PAPPA: variants seen among roughly 807,000 people sequenced by gnomAD.
The protein encoded by PAPPA is pappalysin 1, also known as pappalysin-1.
PAPPA carries 60 observed loss-of-function variants against 164.0 expected under a neutral mutation model. That is an observed-to-expected ratio of 0.37 (90% CI 0.30 to 0.45). PAPPA has a LOEUF of 0.45. PAPPA is among the 20% of genes least tolerant of loss of function. The probability of loss-of-function intolerance (pLI) is 1.00; values close to 1 mark genes in which losing one functional copy is unlikely to be tolerated. For missense variants in PAPPA, 1,782 were observed against 2,087.3 expected (o/e 0.85, Z 2.85); for synonymous variants, 875 against 814.1 (o/e 1.07, Z -1.27).
chr9:116,340,307 T>C (rs1403341209), intron 13 of PAPPA, among the ~76,000 whole-genome samples: 1 of 152,204 alleles, frequency 6.6e-6, no homozygotes, highest in Non-Finnish European at 1.5e-5. Flanking sequence ...TCAGTTAGGG[T>C]AATGTTTATC....
At position 116,347,830 on chromosome 9, in the gene PAPPA, C is replaced by T. The variant is rs1846231755; in HGVS notation, c.3964+621C>T. 6.6e-6 allele frequency among the ~76,000 whole-genome samples: 1 copy of T among 152,094 alleles called. No individual in the cohort carries two copies. The highest frequency in any genetic ancestry group is 2.4e-5 in the African/African-American group (1 of 41,430). ...TTGAGGGGAAAAAGACACTGGCATA[C>T]CAGAGAAGAGGTCACATTTTAGAAA... On this transcript the variant is annotated intron_variant, in intron 15 of 21. Transcript: ENST00000328252. This position sits in a 1 kb window ranked among gnomAD's most constrained non-coding sequence, Gnocchi z 4.5.
chr9:116,372,669 G>T (rs6478234), intron 19 of PAPPA, among the ~76,000 whole-genome samples: 151,450 of 152,180 alleles, frequency 1, 75,364 homozygotes, highest in Middle Eastern at 1. Flanking sequence ...ACCTTATAAT[G>T]CCTTTAGGTG....
intron 2 of PAPPA, 89 bp from the exon 3 acceptor site, chr9:116,207,367 T>G: frequency 9.5e-7 from 1 of 1,048,006 alleles, no homozygotes; most frequent in Non-Finnish European, 1.4e-6. Flanking sequence ...GCAAAATGCC[T>G]GGCACTCATA....
intron 1 of PAPPA, among the ~76,000 whole-genome samples, chr9:116,167,493 CTGTT>C (rs1463383005): frequency 2.0e-5 from 3 of 152,146 alleles, no homozygotes; most frequent in Admixed American, 2.0e-4. Flanking sequence ...CAAAGATACT[CTGTT>C]TGCCAAAAAT....
intron 10 of PAPPA, 63 bp downstream of exon 10, chr9:116,303,013 A>G: frequency 2.1e-6 from 3 of 1,422,560 alleles, no homozygotes; most frequent in Non-Finnish European, 2.9e-6. Context: ...ATGCCCCACA[A>G]GGCTACTCAC....
intron 10 of PAPPA, among the ~76,000 whole-genome samples, chr9:116,305,176 C>CACACACACACACAT (rs1554750322): frequency 1.3e-5 from 2 of 149,260 alleles, no homozygotes; most frequent in Non-Finnish European, 3.0e-5. Context: ...CACACACACA[C>CACACACACACACAT]GGAGTCTGCA....
At chr9:116,213,692 T>C (rs970120747) in intron 4 of PAPPA, among the ~76,000 whole-genome samples, 1 of 152,054 alleles carries the variant, frequency 6.6e-6, no homozygotes, top group African/African-American at 2.4e-5. Context: ...TTTGTACAGA[T>C]CTAAAGGGTG....
chr9:116,282,904 C>G (rs1845284724), intron 9 of PAPPA, among the ~76,000 whole-genome samples: 1 of 152,176 alleles, frequency 6.6e-6, no homozygotes, highest in African/African-American at 2.4e-5. Flanking sequence ...AAACTAAAAA[C>G]CACTGACTTT....
intron 9 of PAPPA, chr9:116,288,957 T>G (rs1845379663): frequency 6.6e-6 from 1 of 151,792 alleles, no homozygotes; most frequent in African/African-American, 2.4e-5. Context: ...TTGGGGTAAC[T>G]GGCTTGGTTT....
At chr9:116,159,384 T>G (rs1159923114) in intron 1 of PAPPA, among the ~76,000 whole-genome samples, 2 of 152,226 alleles carry the variant, frequency 1.3e-5, no homozygotes, top group Non-Finnish European at 2.9e-5. Context: ...GGGGCCTGTT[T>G]GTAAGGCTTC....
rs150654483 is a variant in PAPPA, at chr9:116,232,457, AT to A, written c.2234-2678del. On this transcript the variant is annotated intron_variant, in intron 6 of 21. Coordinates refer to ENST00000328252, the MANE Select transcript of PAPPA (RefSeq NM_002581.5). ...CACAATGAGAAACCCTATAACTGATATTTTAACCCAACTTTCATTCCTTCAA... is the reference window on the plus strand; with the variant it reads ...CACAATGAGAAACCCTATAACTGATATTTAACCCAACTTTCATTCCTTCAA... Among the ~76,000 whole-genome samples the A allele has an allele frequency of 3.8e-3, 586 of 152,312 alleles. 5 individuals carry two copies. The highest frequency in any genetic ancestry group is 0.013 in the African/African-American group (520 of 41,570).
intron 9 of PAPPA, among the ~76,000 whole-genome samples, chr9:116,292,777 T>G (rs772391274): frequency 6.6e-6 from 1 of 152,116 alleles, no homozygotes; most frequent in Non-Finnish European, 1.5e-5. Flanking sequence ...AATTTTTATT[T>G]AGAAACTGAG....
chr9:116,169,340 G>A (rs1843749793), intron 1 of PAPPA, among the ~76,000 whole-genome samples: 1 of 21,640 alleles, frequency 4.6e-5, no homozygotes. Context: ...TTTTTTTTGA[G>A]ATGGAGTCTC....
rs976926914 is a variant in PAPPA at position 116,374,158 on chromosome 9, TTGG to T, written c.4606-3409_4606-3407del. On this transcript the variant is annotated intron_variant, in intron 19 of 21. Coordinates refer to ENST00000328252, the MANE Select transcript of PAPPA (RefSeq NM_002581.5). ...GATGGTGCAGATGATGGTGGTAGTG[TTGG>T]TGGTGGTGTTGATGATGATGATGGT... is the stretch of plus-strand genomic sequence containing the variant. Among the ~76,000 whole-genome samples, 787 of 143,698 alleles carry T rather than the reference TTGG, an allele frequency of 5.5e-3. 7 individuals are homozygous for T. Among genetic ancestry groups the T allele is most frequent in the African/African-American group, 0.019 (729 of 38,116 alleles). The allele number at this position is 143,698 out of a possible 152,430, so 94.3% of individuals were successfully genotyped here.
intron 9 of PAPPA, among the ~76,000 whole-genome samples, chr9:116,292,110 G>A (rs1845443668): frequency 6.6e-6 from 1 of 152,178 alleles, no homozygotes. Context: ...ATGAATGAAT[G>A]AATGCATGAA....
At chr9:116,341,239 C>T (rs532619564) in intron 13 of PAPPA, among the ~76,000 whole-genome samples, 1 of 152,112 alleles carries the variant, frequency 6.6e-6, no homozygotes, top group East Asian at 1.9e-4. Flanking sequence ...CAGGGATGCA[C>T]CATGGTGGCC....
At chr9:116,175,202 A>C (rs1843819258) in intron 1 of PAPPA, among the ~76,000 whole-genome samples, 1 of 152,168 alleles carries the variant, frequency 6.6e-6, no homozygotes, top group South Asian at 2.1e-4. Flanking sequence ...ATATGATGTA[A>C]CAAGGACCGC....
At chr9:116,251,558 G>A (rs529074679) in intron 7 of PAPPA, among the ~76,000 whole-genome samples, 2 of 152,270 alleles carry the variant, frequency 1.3e-5, no homozygotes, top group East Asian at 1.9e-4. Flanking sequence ...TGTCACTGGG[G>A]CCCTCCGTTG....
chr9:116,358,607 C>T (rs1171877430), intron 17 of PAPPA, among the ~76,000 whole-genome samples: 2 of 152,200 alleles, frequency 1.3e-5, no homozygotes, highest in African/African-American at 2.4e-5. Context: ...CCATCTAGCT[C>T]CTGCACTCAC....
Sources: gnomAD v4.1 joint callset for allele counts (sites outside exome capture counted in the v4.1 genomes callset) on GRCh38, gnomAD v4.1.1 for gene constraint, Gnocchi (gnomAD v3.1) non-coding constraint, MANE v1.5 for transcripts, NCBI Gene and HGNC (gene_info 2026-07-23, HGNC 2026-07-21) for gene names.